OSBPL8: variants seen among roughly 807,000 people sequenced by gnomAD.
The protein encoded by OSBPL8 is oxysterol-binding protein-related protein 8.
In OSBPL8, 59 loss-of-function variants were observed where a neutral mutation model predicts 125.5. The ratio of observed to expected loss-of-function variants is 0.47; its 90% CI spans 0.38 to 0.58. OSBPL8 has a LOEUF of 0.58. OSBPL8 is among the 20% of genes least tolerant of loss of function. The pLI is 0.00. For synonymous variants in OSBPL8, 330 were observed against 338.9 expected, an observed-to-expected ratio of 0.97 and a Z score of 0.29; for missense variants, 758 against 1,047.8, an observed-to-expected ratio of 0.72 and a Z score of 3.82.
chr12:76,394,613 C>G, intron 9 of OSBPL8, 32 bp downstream of exon 9: 1 of 1,552,926 alleles, frequency 6.4e-7, no homozygotes, highest in Non-Finnish European at 8.8e-7. Flanking sequence ...AAAATGAAGA[C>G]CAAAATCCAA....
intron 8 of OSBPL8, among the ~76,000 whole-genome samples, chr12:76,396,790 T>C (rs192255853): frequency 6.6e-6 from 1 of 152,208 alleles, no homozygotes; most frequent in Admixed American, 6.5e-5. Context: ...TTAAACTTGA[T>C]TCATTTATTC....
intron 19 of OSBPL8, 104 bp from the exon 20 acceptor site, chr12:76,369,926 G>A (rs1952557388): frequency 4.4e-6 from 5 of 1,139,626 alleles, no homozygotes. Context: ...ATGCTCACAT[G>A]AATTTCTGGC....
rs537399302 is a variant in OSBPL8, at chr12:76,488,139, T to C, written c.-67-521A>G. On this transcript the variant is annotated intron_variant, in intron 1 of 23. Transcript: ENST00000261183. ...TATATAAACAATTCCAACACAGTAA[T>C]AAATCTGATGAAAAAAACTAGAAAC... 9.2e-5 allele frequency among the ~76,000 whole-genome samples: 14 copies of C among 152,160 alleles called. No individual in the cohort carries two copies. In the South Asian group the frequency reaches 2.9e-3, roughly 32 times the overall value.
chr12:76,551,314 G>A (rs772418002), intron 1 of OSBPL8, among the ~76,000 whole-genome samples: 43 of 152,146 alleles, frequency 2.8e-4, no homozygotes, highest in Admixed American at 9.2e-4. Flanking sequence ...GTTCTCTACT[G>A]AGAGTGACCT....
Position 76,390,581 on chromosome 12 carries a change from C to A in OSBPL8, c.1006G>T (p.Asp336Tyr). ...MYSDKSDKEN[D>Y]QEHDESDNEV... ...TTATCAGACTCATCATGTTCTTGAT[C>A]ATTTTCTTTATCAGATTTATCAGAA... Residue 336 changes from aspartate (D) to tyrosine (Y), a missense_variant, in exon 11 of 24, where the codon GAT becomes TAT. Around this residue, in one of 3 missense-constraint regions of OSBPL8, gnomAD observed 572 missense variants for 762.0 expected, o/e 0.75. Coordinates refer to ENST00000261183, the MANE Select transcript of OSBPL8 (RefSeq NM_020841.5). 3 of 1,613,728 alleles carry A rather than the reference C, an allele frequency of 1.9e-6. No homozygotes were observed. Among genetic ancestry groups the A allele is most frequent in the Non-Finnish European group, 2.5e-6 (3 of 1,179,814 alleles).
intron 1 of OSBPL8, among the ~76,000 whole-genome samples, chr12:76,503,958 A>C (rs1302565678): frequency 6.6e-6 from 1 of 152,086 alleles, no homozygotes; most frequent in Non-Finnish European, 1.5e-5. Flanking sequence ...TTGTTTGGTT[A>C]AACATCAGTA....
intron 8 of OSBPL8, 99 bp from the exon 9 acceptor site, chr12:76,394,828 A>G: frequency 1.3e-6 from 1 of 785,862 alleles, no homozygotes; most frequent in Non-Finnish European, 1.9e-6. Flanking sequence ...TAAATCAGGT[A>G]TGGATTATAA....
At chr12:76,450,058 T>C (rs1448572437) in intron 4 of OSBPL8, among the ~76,000 whole-genome samples, 1 of 152,104 alleles carries the variant, frequency 6.6e-6, no homozygotes, top group Non-Finnish European at 1.5e-5. Flanking sequence ...GATACAAAAA[T>C]GCAGGTGTCT....
At chr12:76,356,958 T>C (rs1952009906) in intron 22 of OSBPL8, among the ~76,000 whole-genome samples, 1 of 152,156 alleles carries the variant, frequency 6.6e-6, no homozygotes, top group African/African-American at 2.4e-5. Flanking sequence ...ATGGCACCAG[T>C]TTTTTTAACT....
intron 7 of OSBPL8, among the ~76,000 whole-genome samples, chr12:76,399,287 G>A (rs1455540870): frequency 2.0e-5 from 3 of 152,012 alleles, no homozygotes; most frequent in Non-Finnish European, 4.4e-5. Flanking sequence ...AGAGTCCTAC[G>A]AGATCACTCT....
At chr12:76,435,832 A>C (rs1323634068) in intron 4 of OSBPL8, among the ~76,000 whole-genome samples, 1 of 152,160 alleles carries the variant, frequency 6.6e-6, no homozygotes, top group Non-Finnish European at 1.5e-5. Flanking sequence ...CAGTTTGCAA[A>C]TCAGGGACTC....
intron 1 of OSBPL8, among the ~76,000 whole-genome samples, chr12:76,505,289 C>G (rs1362213568): frequency 6.6e-6 from 1 of 152,114 alleles, no homozygotes; most frequent in Non-Finnish European, 1.5e-5. Flanking sequence ...GCCAGCTACC[C>G]ATATTAGTAC....
chr12:76,406,901 C>T (rs1463534025), intron 5 of OSBPL8, among the ~76,000 whole-genome samples: 1 of 152,102 alleles, frequency 6.6e-6, no homozygotes, highest in Non-Finnish European at 1.5e-5. Context: ...GCATAAGCCA[C>T]TGTGCCCAGC....
At chr12:76,505,071 A>G (rs1880279364) in intron 1 of OSBPL8, among the ~76,000 whole-genome samples, 1 of 152,130 alleles carries the variant, frequency 6.6e-6, no homozygotes, top group Non-Finnish European at 1.5e-5. Flanking sequence ...CTAGCCTCCA[A>G]TAGAGGAGGC....
At chr12:76,515,811 A>T (rs755337447) in intron 1 of OSBPL8, among the ~76,000 whole-genome samples, 12 of 151,834 alleles carry the variant, frequency 7.9e-5, no homozygotes, top group Non-Finnish European at 1.6e-4. Context: ...ATGTACTTGG[A>T]TGATTCAGCT....
Position 76,523,383 on chromosome 12 carries a change from T to C in OSBPL8, c.-67-35765A>G, listed in dbSNP as rs573612360. 7.9e-5 allele frequency among the ~76,000 whole-genome samples: 12 copies of C among 152,316 alleles called. No homozygotes were observed. The South Asian group carries it at 1.4e-3, about 18-fold the overall frequency. On this transcript the variant is annotated intron_variant, in intron 1 of 23. Coordinates refer to ENST00000261183, the MANE Select transcript of OSBPL8 (RefSeq NM_020841.5). ...TCACAGAGAATGTAGCAGCTATCCA[T>C]AGAGTCAAAGGGAAAATTTAGAGCA...
intron 2 of OSBPL8, among the ~76,000 whole-genome samples, chr12:76,474,348 T>C (rs944274157): frequency 2.6e-5 from 4 of 152,186 alleles, no homozygotes; most frequent in Admixed American, 2.6e-4. Context: ...TTAAGTTTAA[T>C]AGGGTGAAAA....
intron 2 of OSBPL8, among the ~76,000 whole-genome samples, chr12:76,472,300 C>A (rs1028683963): frequency 6.6e-6 from 1 of 152,236 alleles, no homozygotes; most frequent in African/African-American, 2.4e-5. Context: ...CACATCCAAT[C>A]AATCACCAGG....
At chr12:76,418,888 A>T (rs1869093498) in intron 4 of OSBPL8, among the ~76,000 whole-genome samples, 1 of 152,080 alleles carries the variant, frequency 6.6e-6, no homozygotes, top group Non-Finnish European at 1.5e-5. Context: ...TTAGATTGAC[A>T]GATGGCAATC....
Sources: allele counts gnomAD v4.1 joint callset (sites outside exome capture counted in the v4.1 genomes callset), GRCh38; gene constraint gnomAD v4.1.1; regional missense constraint gnomAD v4.1.1; transcripts MANE v1.5; gene names NCBI Gene and HGNC (gene_info 2026-07-23, HGNC 2026-07-21).